Variants in ADGRL2 observed in about 807,000 individuals in gnomAD.
The protein encoded by ADGRL2 is calcium-independent alpha-latrotoxin receptor 2.
ADGRL2 carries 44 observed loss-of-function variants against 157.4 expected under a neutral mutation model. The observed-to-expected ratio is 0.28, with a 90% CI of 0.22 to 0.36. The LOEUF is 0.36. ADGRL2 is among the 10% of genes least tolerant of loss of function. The pLI is 1.00. For missense variants in ADGRL2, 1,510 were observed against 1,768.9 expected (o/e 0.85, Z 2.63); for synonymous variants, 585 against 624.7 (o/e 0.94, Z 0.95).
intron 2 of ADGRL2, chr1:81,502,125 C>A (rs1489593684): frequency 2.5e-6 from 4 of 1,598,766 alleles, no homozygotes; most frequent in East Asian, 2.3e-5. Context: ...GAGAAAGAAA[C>A]CCAGGCTGCT....
intron 2 of ADGRL2, among the ~76,000 whole-genome samples, chr1:81,563,802 A>G (rs571365191): frequency 6.6e-6 from 1 of 152,308 alleles, no homozygotes; most frequent in African/African-American, 2.4e-5. Flanking sequence ...CTCTTCCTGT[A>G]CAAACATGTA....
chr1:81,314,126 A>G (rs1659945683), intron 1 of ADGRL2, among the ~76,000 whole-genome samples: 1 of 152,222 alleles, frequency 6.6e-6, no homozygotes, highest in Non-Finnish European at 1.5e-5. Flanking sequence ...GGTGTTAATC[A>G]TGAAAGTACA....
At chr1:81,670,535 G>A (rs552430926) in intron 3 of ADGRL2, among the ~76,000 whole-genome samples, 1 of 152,288 alleles carries the variant, frequency 6.6e-6, no homozygotes, top group East Asian at 1.9e-4. Flanking sequence ...TCCCAGCAGT[G>A]CCACGCTGGC....
chr1:81,447,539 C>T (rs1241830243), intron 2 of ADGRL2, among the ~76,000 whole-genome samples: 3 of 152,140 alleles, frequency 2.0e-5, no homozygotes, highest in Non-Finnish European at 1.5e-5. Context: ...GCAGGGATTG[C>T]ATTTTGGGGC....
At chr1:81,792,856 ATTAT>A (rs1366831478) in intron 2 of ADGRL2, among the ~76,000 whole-genome samples, 1 of 152,102 alleles carries the variant, frequency 6.6e-6, no homozygotes, top group Non-Finnish European at 1.5e-5. Flanking sequence ...TGTAAATGTT[ATTAT>A]TTGTGTAATA....
intron 2 of ADGRL2, among the ~76,000 whole-genome samples, chr1:81,869,662 ATGTC>A (rs1425812931): frequency 4.6e-5 from 7 of 152,092 alleles, no homozygotes; most frequent in Non-Finnish European, 7.4e-5. Flanking sequence ...TGAAAGGTGA[ATGTC>A]AGTCACATTG....
In ADGRL2 at chr1:81,836,943, A is replaced by C. The variant is rs1274671083; in HGVS notation, c.-42A>C. 1.7e-6 allele frequency: 2 copies of C among 1,185,710 alleles called. No homozygotes were observed. Among genetic ancestry groups the C allele is most frequent in the Non-Finnish European group, 1.2e-6 (1 of 825,278 alleles). The allele number at this position is 1,185,710 out of a possible 1,614,324, so 73.4% of individuals were successfully genotyped here. A position where few individuals can be genotyped will look rare whatever the true frequency, so the allele number is the denominator to read the frequency against. ...GATGAAGCTGGGCATTTATAACTAG[A>C]TTCATTAAGGAATACAAAGAAAATA... On this transcript the variant is annotated 5_prime_UTR_variant, in exon 2 of 24. Coordinates refer to ENST00000686636, the MANE Select transcript of ADGRL2 (RefSeq NM_001366006.2).
intron 1 of ADGRL2, among the ~76,000 whole-genome samples, chr1:81,731,241 C>G (rs1476458251): frequency 2.0e-5 from 3 of 152,136 alleles, no homozygotes; most frequent in African/African-American, 7.2e-5. Context: ...GTTAGGTTTT[C>G]CTATTTTAAG....
intron 1 of ADGRL2, among the ~76,000 whole-genome samples, chr1:81,732,272 C>T (rs541998366): frequency 1.3e-5 from 2 of 152,240 alleles, no homozygotes; most frequent in African/African-American, 4.8e-5. Flanking sequence ...CTAGGTATTC[C>T]AGCTGTAAGA....
At chr1:81,741,574 T>C (rs1175580801) in intron 1 of ADGRL2, among the ~76,000 whole-genome samples, 5 of 152,074 alleles carry the variant, frequency 3.3e-5, no homozygotes, top group Admixed American at 6.6e-5. Context: ...CAAATCTATC[T>C]ACTTTTCCTC....
intron 1 of ADGRL2, among the ~76,000 whole-genome samples, chr1:81,438,087 G>A (rs2077441705): frequency 6.7e-6 from 1 of 150,074 alleles, no homozygotes; most frequent in African/African-American, 2.4e-5. Context: ...AATATGCCCC[G>A]TGATCAACAC....
At chr1:81,490,061 ATAT>A (rs1289559195) in intron 2 of ADGRL2, among the ~76,000 whole-genome samples, 6 of 152,098 alleles carry the variant, frequency 3.9e-5, no homozygotes, top group Non-Finnish European at 7.3e-5. Flanking sequence ...ATAAAAGCTA[ATAT>A]TATAGTAACA....
chr1:81,809,644 C>T (rs2089608878), intron 1 of ADGRL2, among the ~76,000 whole-genome samples: 4 of 151,886 alleles, frequency 2.6e-5, no homozygotes, highest in Non-Finnish European at 5.9e-5. Context: ...TAAAAATGGG[C>T]TTAATTTTGC....
chr1:81,824,350 C>T (rs1322578342), intron 1 of ADGRL2, among the ~76,000 whole-genome samples: 1 of 152,172 alleles, frequency 6.6e-6, no homozygotes, highest in Non-Finnish European at 1.5e-5. Flanking sequence ...TCATAGCTCA[C>T]TGTAGCGTGG....
intron 3 of ADGRL2, among the ~76,000 whole-genome samples, chr1:81,692,589 T>A (rs2083364557): frequency 6.6e-6 from 1 of 152,162 alleles, no homozygotes; most frequent in Non-Finnish European, 1.5e-5. Flanking sequence ...TTGGTGACAT[T>A]AATAACAATA....
At chr1:81,916,896 G>T (rs541026140) in intron 3 of ADGRL2, among the ~76,000 whole-genome samples, 1 of 151,602 alleles carries the variant, frequency 6.6e-6, no homozygotes, top group South Asian at 2.1e-4. Flanking sequence ...TTTTGTTTTT[G>T]TACTAGGTTA....
At chr1:81,842,941 G>A (rs2092652222) in intron 2 of ADGRL2, among the ~76,000 whole-genome samples, 1 of 152,014 alleles carries the variant, frequency 6.6e-6, no homozygotes, top group Non-Finnish European at 1.5e-5. Flanking sequence ...TATTTGATTA[G>A]TTGAAGTCTA....
intron 1 of ADGRL2, among the ~76,000 whole-genome samples, chr1:81,331,220 G>A (rs901892584): frequency 4.1e-4 from 62 of 152,204 alleles, no homozygotes; most frequent in African/African-American, 1.5e-3. Flanking sequence ...CAGACAGTAT[G>A]AAATTTTCTA....
intron 3 of ADGRL2, among the ~76,000 whole-genome samples, chr1:81,612,282 C>G (rs1335656067): frequency 2.0e-5 from 3 of 152,074 alleles, no homozygotes; most frequent in Non-Finnish European, 2.9e-5. Context: ...GACCCAGTAG[C>G]ACAACTAGAT....
Sources: gnomAD v4.1 joint callset for allele counts (sites outside exome capture counted in the v4.1 genomes callset) on GRCh38, gnomAD v4.1.1 for gene constraint, MANE v1.5 for transcripts, NCBI Gene and HGNC (gene_info 2026-07-23, HGNC 2026-07-21) for gene names.